The following CARF variants were observed in gnomAD, a reference collection of about 807,000 sequenced individuals.
The protein encoded by CARF is calcium-responsive transcription factor.
A neutral mutation model predicts 82.0 loss-of-function variants in CARF; 57 were observed. The observed-to-expected ratio is 0.70, with a 90% CI of 0.56 to 0.87. CARF has a LOEUF of 0.87. Ranked by LOEUF, CARF falls within the 40% of genes least tolerant of loss-of-function variation. CARF has a pLI of 0.00. For missense variants in CARF, 771 were observed against 855.8 expected, an observed-to-expected ratio of 0.90 and a Z score of 1.24; for synonymous variants, 268 against 290.1, an observed-to-expected ratio of 0.92 and a Z score of 0.77.
intron 13 of CARF, among the ~76,000 whole-genome samples, chr2:202,974,903 A>T (rs989061454): frequency 1.4e-4 from 21 of 151,776 alleles, no homozygotes; most frequent in African/African-American, 5.1e-4. Flanking sequence ...CATCTCAAAA[A>T]ATATATATAT....
chr2:202,971,715 G>A lies in CARF; in HGVS notation c.1308G>A (p.Val436=), dbSNP rs761018996. 4 of 1,612,500 alleles carry A rather than the reference G, an allele frequency of 2.5e-6. No individual in the cohort carries two copies. Among genetic ancestry groups the A allele is most frequent in the Admixed American group, 3.3e-5 (2 of 60,018 alleles). The change falls in exon 12 of 17, where the codon GTG becomes GTA. Residue 436 remains valine (V), a synonymous_variant. Transcript: ENST00000438828. ...QELVSQGIEQ[V]YAVRKQLRKF... ...TAGTATCACAGGGAATAGAACAAGTGTATGCAGTAAGGAAACAGCTAAGGT... is the reference window on the plus strand; with the variant it reads ...TAGTATCACAGGGAATAGAACAAGTATATGCAGTAAGGAAACAGCTAAGGT...
chr2:202,978,561 G>A (rs1307461598), intron 14 of CARF, among the ~76,000 whole-genome samples: 1 of 152,126 alleles, frequency 6.6e-6, no homozygotes. Context: ...GGATTTGAGG[G>A]AAATGCAAAT....
Position 202,942,869 on chromosome 2 carries a change from A to G in CARF, c.208A>G (p.Thr70Ala), listed in dbSNP as rs765172621. The G allele has an allele frequency of 4.3e-6, 7 of 1,614,040 alleles. No homozygotes were observed. The highest frequency in any genetic ancestry group is 1.6e-4 in the Middle Eastern group (1 of 6,084). The part of the protein sequence containing the change: ...SQNIPGPLTQ[T>A]QTLSAEQFHL... ...GAATATACCAGGGCCCCTGACTCAG[A>G]CACAGACTCTTTCTGCAGAGCAATT... Residue 70 changes from threonine to alanine, a missense_variant, in exon 5 of 17, where the codon ACA (threonine) becomes GCA (alanine). Thr to Ala is a moderately conservative substitution (Grantham distance 58). Coordinates refer to ENST00000438828, the MANE Select transcript of CARF (RefSeq NM_024744.17).
At chr2:202,939,666 T>G (rs1298674449) in intron 3 of CARF, among the ~76,000 whole-genome samples, 2 of 151,672 alleles carry the variant, frequency 1.3e-5, no homozygotes, top group Non-Finnish European at 2.9e-5. Flanking sequence ...TCTATTTAAC[T>G]TACCCATTGC....
In CARF at chr2:202,966,964, G is replaced by C; in HGVS notation, c.833-14G>C. 6.2e-7 allele frequency: 1 copy of C among 1,611,620 alleles called. No individual in the cohort carries two copies. Among genetic ancestry groups the C allele is most frequent in the Non-Finnish European group, 8.5e-7 (1 of 1,179,198 alleles). ...ACACTTGAATTAATATCAATAGTTG[G>C]TTTTGGCCCACAGGGAGTAGAGCTG... On this transcript the variant is annotated splice_polypyrimidine_tract_variant and intron_variant, in intron 9 of 16. Coordinates refer to ENST00000438828, the MANE Select transcript of CARF (RefSeq NM_024744.17).
chr2:202,935,975 C>T (rs1158630603), intron 3 of CARF, among the ~76,000 whole-genome samples: 3 of 152,042 alleles, frequency 2.0e-5, no homozygotes, highest in Non-Finnish European at 4.4e-5. Context: ...TGCCACCATA[C>T]CCAGCTAATT....
chr2:202,915,677 C>A (rs192560845), intron 1 of CARF, among the ~76,000 whole-genome samples: 1 of 152,210 alleles, frequency 6.6e-6, no homozygotes, highest in African/African-American at 2.4e-5. Context: ...ATCATGTTGG[C>A]CAGGATGGTC....
At chr2:202,952,057 T>C (rs924077453) in intron 5 of CARF, among the ~76,000 whole-genome samples, 1 of 152,122 alleles carries the variant, frequency 6.6e-6, no homozygotes, top group Non-Finnish European at 1.5e-5. Context: ...GGTCTCGAAC[T>C]CCTGACCTCG....
intron 5 of CARF, among the ~76,000 whole-genome samples, chr2:202,948,354 TG>T (rs1368610554): frequency 2.6e-5 from 4 of 152,208 alleles, no homozygotes; most frequent in Non-Finnish European, 5.9e-5. Context: ...TGGTTCTATA[TG>T]AGTTTTAAAA....
At chr2:202,933,047 A>C (rs1693238134) in intron 3 of CARF, among the ~76,000 whole-genome samples, 1 of 152,008 alleles carries the variant, frequency 6.6e-6, no homozygotes, top group Non-Finnish European at 1.5e-5. Context: ...GCTTCACCTT[A>C]TGCACTGGAG....
At chr2:202,922,505 A>C (rs1026509613) in intron 2 of CARF, among the ~76,000 whole-genome samples, 1 of 152,208 alleles carries the variant, frequency 6.6e-6, no homozygotes, top group African/African-American at 2.4e-5. Context: ...CAAGAGAAAG[A>C]AATAAAGAGC....
chr2:202,979,653 T>G (rs2060165898), intron 14 of CARF, among the ~76,000 whole-genome samples: 1 of 151,732 alleles, frequency 6.6e-6, no homozygotes, highest in South Asian at 2.1e-4. Context: ...ATACAAAAAT[T>G]AGCTGGGCAT....
chr2:202,942,892 A>T lies in CARF; in HGVS notation c.231A>T (p.Gln77His), dbSNP rs76057377. The change falls in exon 5 of 17, where the codon CAA becomes CAT. Residue 77 changes from glutamine (Q) to histidine (H), a missense_variant. Gln to His is a conservative substitution (Grantham distance 24). Transcript: ENST00000438828. ...LTQTQTLSAE[Q>H]FHLVDQNGQA... is the part of the protein sequence containing the mutation. ...AGACACAGACTCTTTCTGCAGAGCA[A>T]TTCCATCTAGTGGACCAAAATGGGC... 12,008 of 1,614,074 alleles carry T rather than the reference A, an allele frequency of 7.4e-3. 682 individuals are homozygous for T. In the African/African-American group the frequency reaches 0.13, roughly 18 times the overall value.
At position 202,969,896 on chromosome 2, in the gene CARF, ATTC is replaced by A. The variant is rs781418364; in HGVS notation, c.954-17_954-15del. 14 of 1,376,354 alleles carry A rather than the reference ATTC, an allele frequency of 1.0e-5. No homozygotes were observed. The Admixed American group carries it at 1.9e-4, about 18-fold the overall frequency. The allele number at this position is 1,376,354 out of a possible 1,614,324, so 85.3% of individuals were successfully genotyped here. A position where few individuals can be genotyped will look rare whatever the true frequency, so the allele number is the denominator to read the frequency against. Reference sequence around the variant, plus strand: ...TTGAGATTATAATATAATGAAACAAATTCTTCTTTATCTTGTATAAAGGATTTA... The same window carrying A: ...TTGAGATTATAATATAATGAAACAAATTCTTTATCTTGTATAAAGGATTTA... On this transcript the variant is annotated intron_variant, in intron 10 of 16. Transcript: ENST00000438828.
At position 202,964,509 on chromosome 2, in the gene CARF, A is replaced by G. The variant is rs978646862; in HGVS notation, c.833-2469A>G. ...TTGCCTCGGCTGGTCTCAAACTCCT[A>G]CACTCAAGCAATCTGCCCACTTCAG... On this transcript the variant is annotated intron_variant, in intron 9 of 16. Transcript: ENST00000438828. Among the ~76,000 whole-genome samples, 3 of 152,010 alleles carry G rather than the reference A, an allele frequency of 2.0e-5. No homozygotes were observed. The East Asian group carries it at 5.8e-4, about 29-fold the overall frequency.
At chr2:202,949,352 A>AAG (rs1451111584) in intron 5 of CARF, among the ~76,000 whole-genome samples, 1 of 151,770 alleles carries the variant, frequency 6.6e-6, no homozygotes, top group Admixed American at 6.6e-5. Flanking sequence ...CAAAAAAAAA[A>AAG]AAAAAGAGAT....
At chr2:202,968,812 G>T (rs774821353) in intron 10 of CARF, among the ~76,000 whole-genome samples, 3 of 152,170 alleles carry the variant, frequency 2.0e-5, no homozygotes, top group Non-Finnish European at 4.4e-5. Context: ...CAACATGATA[G>T]TATAGAATAT....
intron 3 of CARF, chr2:202,925,420 G>T: frequency 3.3e-6 from 1 of 303,116 alleles, no homozygotes; most frequent in South Asian, 3.7e-5. Context: ...CATCCTTGCC[G>T]AGGTCCGTGC....
chr2:202,916,642 G>T (rs959398209), intron 1 of CARF, among the ~76,000 whole-genome samples: 1 of 152,084 alleles, frequency 6.6e-6, no homozygotes, highest in Non-Finnish European at 1.5e-5. Flanking sequence ...TTATTCTAAG[G>T]TTATTGGTTG....
Sources: gnomAD v4.1 joint callset for allele counts (sites outside exome capture counted in the v4.1 genomes callset) on GRCh38, gnomAD v4.1.1 for gene constraint, MANE v1.5 for transcripts, NCBI Gene and HGNC (gene_info 2026-07-23, HGNC 2026-07-21) for gene names.